Variants in SHISA6 observed in about 807,000 individuals in gnomAD.
SHISA6 encodes the protein shisa family member 6, also known as protein shisa-6.
A neutral mutation model predicts 47.9 loss-of-function variants in SHISA6; 22 were observed. That is an observed-to-expected ratio of 0.46 (90% confidence interval 0.33 to 0.66). The LOEUF (loss-of-function observed/expected upper bound fraction) is 0.66. SHISA6 is among the 30% of genes least tolerant of loss of function. The pLI is 0.02. For synonymous variants in SHISA6, 388 were observed against 337.8 expected (o/e 1.15, Z -1.63); for missense variants, 680 against 764.6 (o/e 0.89, Z 1.30).
At chr17:11,379,573 G>A (rs775071612) in intron 3 of SHISA6, 64 bp downstream of exon 3, 4 of 1,175,728 alleles carry the variant, frequency 3.4e-6, no homozygotes, top group African/African-American at 3.1e-5. Context: ...TCTGAAATGA[G>A]AAGATGGTGT....
At chr17:11,252,175 C>A (rs1186844514) in intron 1 of SHISA6, among the ~76,000 whole-genome samples, 2 of 152,212 alleles carry the variant, frequency 1.3e-5, no homozygotes, top group East Asian at 3.9e-4. Flanking sequence ...GACGCAGGAG[C>A]CCCAGTGAGA....
intron 4 of SHISA6, among the ~76,000 whole-genome samples, chr17:11,554,698 T>C (rs1478407862): frequency 6.6e-6 from 1 of 152,270 alleles, no homozygotes; most frequent in South Asian, 2.1e-4. Context: ...GGTACCACCA[T>C]TTCCCATGGC....
In SHISA6 at chr17:11,560,794, T is replaced by C. The variant is rs2277654; in HGVS notation, c.*2490T>C. ...TCCAAGACATTTCTCATCCCAGCCT[T>C]ACCACTGTCTGGCTGAAAGGCTCTG... On this transcript the variant is annotated 3_prime_UTR_variant, in exon 6 of 6. Coordinates refer to ENST00000441885, the MANE Select transcript of SHISA6 (RefSeq NM_207386.4). The C allele has an allele frequency of 0.18, 26,950 of 152,108 alleles. 3,414 individuals carry two copies. Among genetic ancestry groups the C allele is most frequent in the African/African-American group, 0.36 (14,883 of 41,444 alleles). 9.4% of individuals were successfully genotyped at this position (152,108 alleles called of 1,614,324 possible).
chr17:11,302,956 T>C (rs1909979249), intron 2 of SHISA6, among the ~76,000 whole-genome samples: 1 of 152,120 alleles, frequency 6.6e-6, no homozygotes, highest in Non-Finnish European at 1.5e-5. Flanking sequence ...GCTGATGGCT[T>C]TGTCATTTCC....
At chr17:11,426,124 T>C (rs1200413583) in intron 3 of SHISA6, among the ~76,000 whole-genome samples, 5 of 152,212 alleles carry the variant, frequency 3.3e-5, no homozygotes, top group Non-Finnish European at 5.9e-5. Context: ...AAAACAAATG[T>C]TCACCAACCA....
chr17:11,401,831 G>A (rs1913783692), intron 3 of SHISA6, among the ~76,000 whole-genome samples: 1 of 152,166 alleles, frequency 6.6e-6, no homozygotes, highest in Non-Finnish European at 1.5e-5. Flanking sequence ...ATCATGGAGT[G>A]ATATGCTGTA....
At chr17:11,311,364 A>G (rs1910337182) in intron 2 of SHISA6, among the ~76,000 whole-genome samples, 1 of 151,578 alleles carries the variant, frequency 6.6e-6, no homozygotes, top group Non-Finnish European at 1.5e-5. Context: ...TTTTCTTTGG[A>G]ATCTTTGCAT....
At chr17:11,291,167 G>A (rs1437975950) in intron 2 of SHISA6, among the ~76,000 whole-genome samples, 1 of 151,996 alleles carries the variant, frequency 6.6e-6, no homozygotes, top group Admixed American at 6.6e-5. Flanking sequence ...TGAGAGTTCG[G>A]GACGGGGAGA....
intron 3 of SHISA6, among the ~76,000 whole-genome samples, chr17:11,524,056 GA>G (rs1486127601): frequency 1.4e-5 from 2 of 146,704 alleles, no homozygotes; most frequent in African/African-American, 5.2e-5. Context: ...AGAAAAAGAA[GA>G]AAGAAAGAAA....
At chr17:11,401,844 C>G (rs1913783903) in intron 3 of SHISA6, among the ~76,000 whole-genome samples, 1 of 152,178 alleles carries the variant, frequency 6.6e-6, no homozygotes, top group Non-Finnish European at 1.5e-5. Context: ...ATGCTGTAGT[C>G]TCTACATCAG....
At chr17:11,498,563 A>G (rs181582681) in intron 3 of SHISA6, among the ~76,000 whole-genome samples, 2 of 152,350 alleles carry the variant, frequency 1.3e-5, no homozygotes, top group African/African-American at 4.8e-5. Flanking sequence ...AAGGGGATGG[A>G]CATCCCAATT....
intron 4 of SHISA6, among the ~76,000 whole-genome samples, 165 bp downstream of exon 4, chr17:11,552,117 A>G (rs1337620111): frequency 6.6e-6 from 1 of 152,164 alleles, no homozygotes; most frequent in Non-Finnish European, 1.5e-5. Flanking sequence ...CAATGCTCTA[A>G]TCTCACTTGT....
At chr17:11,529,452 A>G (rs1474856368) in intron 3 of SHISA6, among the ~76,000 whole-genome samples, 4 of 152,194 alleles carry the variant, frequency 2.6e-5, no homozygotes, top group African/African-American at 9.7e-5. Flanking sequence ...TTATTTTATA[A>G]TAAATTCTTA....
intron 3 of SHISA6, among the ~76,000 whole-genome samples, chr17:11,443,242 C>G (rs1327184678): frequency 1.3e-5 from 2 of 152,160 alleles, no homozygotes; most frequent in Non-Finnish European, 1.5e-5. Flanking sequence ...CTGCACATCT[C>G]AACATAAAGT....
intron 3 of SHISA6, among the ~76,000 whole-genome samples, chr17:11,537,810 G>A (rs138399687): frequency 1.2e-4 from 19 of 152,332 alleles, no homozygotes; most frequent in Admixed American, 6.5e-5. Flanking sequence ...CAAAAGCACT[G>A]TCATTGAACT....
intron 3 of SHISA6, among the ~76,000 whole-genome samples, chr17:11,403,227 G>A (rs1347379175): frequency 6.6e-6 from 1 of 152,138 alleles, no homozygotes; most frequent in Non-Finnish European, 1.5e-5. Context: ...AGTTTTTAGG[G>A]AGTAATTGCT....
chr17:11,314,207 T>C (rs1910430422), intron 2 of SHISA6, among the ~76,000 whole-genome samples: 2 of 152,206 alleles, frequency 1.3e-5, no homozygotes, highest in African/African-American at 4.8e-5. Flanking sequence ...TTTCCATAGT[T>C]GATTATAACC....
intron 2 of SHISA6, among the ~76,000 whole-genome samples, chr17:11,377,993 C>T (rs1380359482): frequency 6.6e-6 from 1 of 152,188 alleles, no homozygotes. Flanking sequence ...TACCGGTCAA[C>T]CCGTCGTCTA....
At chr17:11,377,953 T>TGTTACAC (rs1332384785) in intron 2 of SHISA6, among the ~76,000 whole-genome samples, 138 of 152,338 alleles carry the variant, frequency 9.1e-4, no homozygotes, top group African/African-American at 3.2e-3. Flanking sequence ...GTTTGTTACA[T>TGTTACAC]AGGTAAACAT....
Sources: allele counts gnomAD v4.1 joint callset (sites outside exome capture counted in the v4.1 genomes callset), GRCh38; gene constraint gnomAD v4.1.1; transcripts MANE v1.5; gene names NCBI Gene and HGNC (gene_info 2026-07-23, HGNC 2026-07-21).